Variants in CSMD1 observed in about 807,000 individuals in gnomAD.
The protein encoded by CSMD1 is CUB and Sushi multiple domains 1, also known as CUB and sushi domain-containing protein 1.
Under a neutral mutation model 417.5 loss-of-function variants are expected in CSMD1, and 213 were observed. That is an observed-to-expected ratio of 0.51 (90% CI 0.46 to 0.57). CSMD1 has a LOEUF of 0.57. Ranked by LOEUF, CSMD1 falls within the 20% of genes least tolerant of loss-of-function variation. The pLI, the probability that CSMD1 is intolerant of heterozygous loss-of-function variation, is 0.00. For synonymous variants in CSMD1, 2,862 were observed against 1,736.8 expected (o/e 1.65, Z -16.11); for missense variants, 6,923 against 4,529.7 (o/e 1.53, Z -15.17).
At chr8:3,172,129 G>A (rs1481147199) in intron 37 of CSMD1, among the ~76,000 whole-genome samples, 1 of 152,204 alleles carries the variant, frequency 6.6e-6, no homozygotes, top group Non-Finnish European at 1.5e-5. Context: ...ATTATTCTTA[G>A]AATAAATCCT....
chr8:3,879,902 C>A (rs1243801401), intron 5 of CSMD1, among the ~76,000 whole-genome samples: 2 of 151,930 alleles, frequency 1.3e-5, no homozygotes, highest in Non-Finnish European at 2.9e-5. Context: ...ACGTTTTTAT[C>A]CCCTATAACG....
chr8:3,877,389 C>G (rs944521617), intron 5 of CSMD1, among the ~76,000 whole-genome samples: 3 of 152,156 alleles, frequency 2.0e-5, no homozygotes, highest in Admixed American at 6.5e-5. Flanking sequence ...GGCTGCAGAC[C>G]GAACCCACGT....
At chr8:3,506,657 G>A (rs966918581) in intron 10 of CSMD1, among the ~76,000 whole-genome samples, 1 of 152,070 alleles carries the variant, frequency 6.6e-6, no homozygotes, top group Non-Finnish European at 1.5e-5. Context: ...TGCATATTCA[G>A]TAAGTTTCTG....
chr8:3,274,540 C>T (rs1168882082), intron 26 of CSMD1, among the ~76,000 whole-genome samples: 1 of 151,982 alleles, frequency 6.6e-6, no homozygotes, highest in Non-Finnish European at 1.5e-5. Flanking sequence ...TTAAAGTCTC[C>T]CATTATTAAT....
Position 3,041,289 on chromosome 8 carries a change from T to A in CSMD1, c.7660+11173A>T, listed in dbSNP as rs191868141. On this transcript the variant is annotated intron_variant, in intron 50 of 69. Transcript: ENST00000635120. ...GCAAAAATATATCCCGTAAAATGCA[T>A]TTTTTCTTGTTTTCTTTACAGCATT... 5.3e-5 allele frequency among the ~76,000 whole-genome samples: 8 copies of A among 152,300 alleles called. No individual in the cohort carries two copies. In the South Asian group the frequency reaches 8.3e-4, roughly 16 times the overall value.
chr8:4,661,452 G>A (rs1563088952), intron 1 of CSMD1, among the ~76,000 whole-genome samples: 1 of 152,190 alleles, frequency 6.6e-6, no homozygotes, highest in Non-Finnish European at 1.5e-5. Flanking sequence ...ATATAGAAAT[G>A]GAGAACAGAT....
intron 10 of CSMD1, among the ~76,000 whole-genome samples, chr8:3,542,089 C>A (rs1403773594): frequency 6.6e-6 from 1 of 152,116 alleles, no homozygotes; most frequent in Non-Finnish European, 1.5e-5. Flanking sequence ...TTACTGTGCT[C>A]TATAGTCTTT....
At chr8:3,585,979 A>T (rs931885370) in intron 9 of CSMD1, among the ~76,000 whole-genome samples, 157 bp downstream of exon 9, 1 of 152,232 alleles carries the variant, frequency 6.6e-6, no homozygotes, top group Non-Finnish European at 1.5e-5. Context: ...TTCCAAGGAA[A>T]GGTTTCTGTT....
intron 1 of CSMD1, among the ~76,000 whole-genome samples, chr8:4,907,693 G>C (rs1004792781): frequency 1.2e-4 from 18 of 151,300 alleles, no homozygotes; most frequent in Non-Finnish European, 2.2e-4. Flanking sequence ...AGAGTAGCTG[G>C]GACCACAGGC....
chr8:3,773,514 T>A (rs1440763133), intron 5 of CSMD1, among the ~76,000 whole-genome samples: 1 of 152,146 alleles, frequency 6.6e-6, no homozygotes, highest in Non-Finnish European at 1.5e-5. Context: ...CTTGAACTCC[T>A]GGACTCAAGT....
chr8:3,211,728 G>T (rs1442440563), intron 30 of CSMD1, among the ~76,000 whole-genome samples: 1 of 152,194 alleles, frequency 6.6e-6, no homozygotes, highest in African/African-American at 2.4e-5. Flanking sequence ...GCTGCCGTTG[G>T]CTCACAAGCC....
At chr8:4,789,126 G>GT (rs575424764) in intron 1 of CSMD1, among the ~76,000 whole-genome samples, 16 of 152,288 alleles carry the variant, frequency 1.1e-4, no homozygotes, top group South Asian at 2.1e-4. Flanking sequence ...TGGGATTCTT[G>GT]TAAGAGTTCA....
At chr8:3,086,949 T>A in intron 49 of CSMD1, 148 bp downstream of exon 49, 1 of 735,782 alleles carries the variant, frequency 1.4e-6, no homozygotes, top group Non-Finnish European at 2.2e-6. Context: ...GCATGGCCAC[T>A]AGAAGGTTTA....
At chr8:3,949,599 A>G (rs1177157010) in intron 5 of CSMD1, among the ~76,000 whole-genome samples, 1 of 152,094 alleles carries the variant, frequency 6.6e-6, no homozygotes, top group Non-Finnish European at 1.5e-5. Context: ...ATTGAAGAAC[A>G]TGAGGGTGGG....
rs190553453 is a variant in CSMD1, at chr8:4,829,028, T to A, written c.85+165304A>T. Among the ~76,000 whole-genome samples the A allele has an allele frequency of 5.3e-5, 8 of 152,304 alleles. No individual in the cohort carries two copies. The South Asian group carries it at 8.3e-4, about 16-fold the overall frequency. On this transcript the variant is annotated intron_variant, in intron 1 of 69. Transcript: ENST00000635120. ...AATTATTATTATTAGAGATACATTA[T>A]GATATTGAAAAGTAATGATAACTTA...
At chr8:4,756,566 T>C (rs1269743325) in intron 1 of CSMD1, among the ~76,000 whole-genome samples, 1 of 152,230 alleles carries the variant, frequency 6.6e-6, no homozygotes, top group Non-Finnish European at 1.5e-5. Flanking sequence ...GCTATTGAAA[T>C]AGAGCATGCG....
intron 26 of CSMD1, among the ~76,000 whole-genome samples, chr8:3,245,264 A>T (rs532756466): frequency 6.6e-6 from 1 of 152,164 alleles, no homozygotes; most frequent in Non-Finnish European, 1.5e-5. Context: ...TCCAGGGCAC[A>T]TCCTGCCACC....
At chr8:4,387,003 T>G (rs980487338) in intron 3 of CSMD1, among the ~76,000 whole-genome samples, 3 of 152,196 alleles carry the variant, frequency 2.0e-5, no homozygotes, top group Non-Finnish European at 4.4e-5. Context: ...AGTAATCGGC[T>G]TCATTTGAAA....
At chr8:4,875,480 G>C (rs1237955592) in intron 1 of CSMD1, among the ~76,000 whole-genome samples, 2 of 151,988 alleles carry the variant, frequency 1.3e-5, no homozygotes, top group Non-Finnish European at 1.5e-5. Flanking sequence ...TGGATGCAAA[G>C]CGTCTCACTT....
Sources: allele counts gnomAD v4.1 joint callset (sites outside exome capture counted in the v4.1 genomes callset), GRCh38; gene constraint gnomAD v4.1.1; transcripts MANE v1.5; gene names NCBI Gene and HGNC (gene_info 2026-07-23, HGNC 2026-07-21).